CUBN: variants seen among roughly 807,000 people sequenced by gnomAD.
CUBN encodes cubilin.
Under a neutral mutation model 405.3 loss-of-function variants are expected in CUBN, and 282 were observed. The observed-to-expected ratio is 0.70, with a 90% CI of 0.63 to 0.77. CUBN has a LOEUF of 0.77. Among genes scored for constraint, CUBN ranks in the 30% least tolerant of loss-of-function variants. The pLI, the probability that CUBN is intolerant of heterozygous loss-of-function variation, is 0.00. For synonymous variants in CUBN, 1,684 were observed against 1,617.0 expected (o/e 1.04, Z -0.99); for missense variants, 4,514 against 4,475.2 (o/e 1.01, Z -0.25).
At chr10:17,105,008 C>T (rs1053640241) in intron 11 of CUBN, among the ~76,000 whole-genome samples, 2 of 151,430 alleles carry the variant, frequency 1.3e-5, no homozygotes, top group South Asian at 2.1e-4. Context: ...TTCACCATGT[C>T]GGTCAGGCTG....
chr10:16,980,621 C>T (rs1408151894), intron 31 of CUBN, among the ~76,000 whole-genome samples: 3 of 152,044 alleles, frequency 2.0e-5, no homozygotes, highest in Non-Finnish European at 2.9e-5. Flanking sequence ...TATTCTCACT[C>T]GTAAGTGGGA....
chr10:17,061,518 G>A (rs2131838032), intron 22 of CUBN, among the ~76,000 whole-genome samples: 1 of 152,286 alleles, frequency 6.6e-6, no homozygotes, highest in South Asian at 2.1e-4. Flanking sequence ...TTAGTGTAAA[G>A]AAGGCCTCTT....
At chr10:16,830,222 C>A (rs965155600) in intron 65 of CUBN, among the ~76,000 whole-genome samples, 19 of 152,178 alleles carry the variant, frequency 1.2e-4, no homozygotes, top group African/African-American at 4.6e-4. Context: ...AGCCACAGCA[C>A]CTAGCTTAAT....
intron 31 of CUBN, among the ~76,000 whole-genome samples, chr10:16,965,232 A>G (rs546540760): frequency 6.6e-6 from 1 of 152,160 alleles, no homozygotes; most frequent in Non-Finnish European, 1.5e-5. Context: ...CCTGCCTTCC[A>G]TTTGTGTCTT....
intron 48 of CUBN, 89 bp from the exon 49 acceptor site, chr10:16,907,768 C>G (rs1332448238): frequency 2.2e-6 from 3 of 1,373,802 alleles, no homozygotes; most frequent in Non-Finnish European, 3.1e-6. Context: ...AGACCCACTT[C>G]CTTTTATGGG....
At chr10:17,098,576 G>A (rs907625908) in intron 14 of CUBN, among the ~76,000 whole-genome samples, 12 of 152,042 alleles carry the variant, frequency 7.9e-5, no homozygotes, top group African/African-American at 2.2e-4. Context: ...CCTAGCCAGG[G>A]CAATAAGTCA....
At chr10:16,992,988 A>C (rs1246280331) in intron 28 of CUBN, among the ~76,000 whole-genome samples, 1 of 152,118 alleles carries the variant, frequency 6.6e-6, no homozygotes, top group Non-Finnish European at 1.5e-5. Context: ...CCAATGCCCA[A>C]CTCCAGGGAG....
At chr10:16,974,366 A>G (rs935524406) in intron 31 of CUBN, among the ~76,000 whole-genome samples, 2 of 152,020 alleles carry the variant, frequency 1.3e-5, no homozygotes, top group African/African-American at 4.8e-5. Flanking sequence ...CTGGGTTCTT[A>G]GAGGTATTTG....
At chr10:17,096,617 GAA>G (rs556948553) in intron 14 of CUBN, among the ~76,000 whole-genome samples, 1 of 152,052 alleles carries the variant, frequency 6.6e-6, no homozygotes, top group African/African-American at 2.4e-5. Context: ...AATCAGTAAA[GAA>G]ATTTAATATT....
At chr10:16,947,173 C>T in intron 36 of CUBN, 62 bp downstream of exon 36, 1 of 1,571,030 alleles carries the variant, frequency 6.4e-7, no homozygotes, top group Non-Finnish European at 8.8e-7. Flanking sequence ...CCTATTAGCA[C>T]CAGAACTTCT....
At chr10:17,028,656 G>A (rs137856966) in intron 27 of CUBN, among the ~76,000 whole-genome samples, 7 of 151,704 alleles carry the variant, frequency 4.6e-5, no homozygotes, top group African/African-American at 1.7e-4. Context: ...GGGAGGCGGA[G>A]GTTGCAGTGA....
intron 28 of CUBN, among the ~76,000 whole-genome samples, chr10:16,998,191 A>T (rs1027773347): frequency 6.6e-6 from 1 of 151,978 alleles, no homozygotes; most frequent in African/African-American, 2.4e-5. Context: ...GCCTACCAGG[A>T]ACCTGTGACT....
chr10:16,880,084 T>A (rs1840625186), intron 56 of CUBN, among the ~76,000 whole-genome samples: 1 of 152,128 alleles, frequency 6.6e-6, no homozygotes, highest in Non-Finnish European at 1.5e-5. Flanking sequence ...AATTGAGAGA[T>A]TTGAGGCACA....
intron 44 of CUBN, 53 bp from the exon 45 acceptor site, chr10:16,918,853 A>C: frequency 6.8e-7 from 1 of 1,478,670 alleles, no homozygotes. Flanking sequence ...GCTTATTTTG[A>C]TAATGACAAC....
At chr10:16,957,618 C>G (rs749844153) in intron 31 of CUBN, among the ~76,000 whole-genome samples, 5 of 152,018 alleles carry the variant, frequency 3.3e-5, no homozygotes, top group Non-Finnish European at 5.9e-5. Flanking sequence ...AACCTTTACA[C>G]ACTATTGATG....
chr10:16,874,949 T>C (rs908758399), intron 57 of CUBN, among the ~76,000 whole-genome samples: 6 of 152,184 alleles, frequency 3.9e-5, no homozygotes, highest in African/African-American at 1.4e-4. Context: ...TAGAGATCCC[T>C]GTCTCTCCTG....
intron 2 of CUBN, among the ~76,000 whole-genome samples, chr10:17,128,559 C>A (rs1057318484): frequency 6.6e-6 from 1 of 152,198 alleles, no homozygotes; most frequent in Non-Finnish European, 1.5e-5. Context: ...CCTACTTCCT[C>A]GCATCCCCTG....
At chr10:16,907,277 T>C (rs1841579197) in intron 49 of CUBN, among the ~76,000 whole-genome samples, 1 of 152,224 alleles carries the variant, frequency 6.6e-6, no homozygotes, top group Non-Finnish European at 1.5e-5. Flanking sequence ...TAGAAGCTAA[T>C]CTAATAGCAT....
chr10:16,962,909 G>A (rs1843275703), intron 31 of CUBN, among the ~76,000 whole-genome samples: 1 of 152,156 alleles, frequency 6.6e-6, no homozygotes, highest in African/African-American at 2.4e-5. Flanking sequence ...GGGTAAGTCT[G>A]CGGGTGTGGA....
Sources: allele counts gnomAD v4.1 joint callset (sites outside exome capture counted in the v4.1 genomes callset), GRCh38; gene constraint gnomAD v4.1.1; transcripts MANE v1.5; gene names NCBI Gene and HGNC (gene_info 2026-07-23, HGNC 2026-07-21).